Variants in NFATC1 observed in about 807,000 individuals in gnomAD.
NFATC1 encodes nuclear factor of activated T-cells, cytoplasmic 1.
A neutral mutation model predicts 76.0 loss-of-function variants in NFATC1; 22 were observed. The observed-to-expected ratio is 0.29, with a 90% CI of 0.21 to 0.41. The LOEUF is 0.41. Among genes scored for constraint, NFATC1 ranks in the 10% least tolerant of loss-of-function variants. The pLI is 1.00. For missense variants in NFATC1, 1,357 were observed against 1,337.7 expected (o/e 1.01, Z -0.23); for synonymous variants, 704 against 613.1 (o/e 1.15, Z -2.19).
chr18:79,505,869 GTGC>G (rs2090110262), intron 9 of NFATC1, among the ~76,000 whole-genome samples: 4 of 144,350 alleles, frequency 2.8e-5, no homozygotes, highest in Non-Finnish European at 3.1e-5. Flanking sequence ...GGAGGAGGTG[GTGC>G]TGGAGGCCCT....
intron 8 of NFATC1, among the ~76,000 whole-genome samples, chr18:79,474,888 CGTT>C (rs1175189222): frequency 8.7e-5 from 11 of 126,100 alleles, no homozygotes; most frequent in Non-Finnish European, 1.3e-4. Context: ...TCACTGTCGA[CGTT>C]GTAAACCTGA....
intron 6 of NFATC1, among the ~76,000 whole-genome samples, chr18:79,453,575 C>T (rs1454233198): frequency 6.6e-6 from 1 of 152,188 alleles, no homozygotes; most frequent in East Asian, 1.9e-4. Flanking sequence ...AGCTCGGCTG[C>T]CACAGCCACA....
Position 79,435,005 on chromosome 18 carries a change from TCAGA to T in NFATC1, c.1386+1271_1386+1274del, listed in dbSNP as rs751296205. On this transcript the variant is annotated intron_variant, in intron 3 of 9. Transcript: ENST00000427363. ...TCTCCACCCTCCCAGGTGGGAAAGG[TCAGA>T]CAGCGCTGCACCACGCTCCGTCACT... 3.3e-4 allele frequency among the ~76,000 whole-genome samples: 50 copies of T among 152,218 alleles called. No individual in the cohort carries two copies. The East Asian group carries it at 4.3e-3, about 13-fold the overall frequency.
At position 79,411,198 on chromosome 18, in the gene NFATC1, C is replaced by G. The variant is rs2085663934; in HGVS notation, c.923C>G (p.Thr308Ser). 3 of 1,610,436 alleles carry G rather than the reference C, an allele frequency of 1.9e-6. No homozygotes were observed. Among genetic ancestry groups the G allele is most frequent in the Non-Finnish European group, 2.5e-6 (3 of 1,179,858 alleles). Residue 308 changes from threonine to serine, a missense_variant, in exon 2 of 10, where the codon ACC becomes AGC. Around this residue, in one of 3 missense-constraint regions of NFATC1, gnomAD observed 691 missense variants for 613.1 expected, o/e 1.13. Transcript: ENST00000427363. ...DSWLGNTTQY[T>S]SSAIVAAINA... ...TGGTTGGGCAACACCACCCAGTACA[C>G]CAGCTCGGCCATCGTGGCCGCCATC...
At chr18:79,452,379 A>G (rs11873318) in intron 6 of NFATC1, among the ~76,000 whole-genome samples, 8,525 of 152,268 alleles carry the variant, frequency 0.056, 746 homozygotes, top group African/African-American at 0.19. Flanking sequence ...GCGCTGGCCC[A>G]GCCTGGAGGC....
At chr18:79,423,714 T>G (rs1334052127) in intron 2 of NFATC1, among the ~76,000 whole-genome samples, 1 of 152,098 alleles carries the variant, frequency 6.6e-6, no homozygotes, top group East Asian at 1.9e-4. Flanking sequence ...CATCTTTCTG[T>G]TCCCACCCTG....
intron 2 of NFATC1, among the ~76,000 whole-genome samples, chr18:79,415,525 A>G (rs977918063): frequency 1.3e-5 from 2 of 150,504 alleles, no homozygotes; most frequent in East Asian, 4.0e-4. Flanking sequence ...CTCGTGATCC[A>G]CCCGCCTCGG....
intron 9 of NFATC1, among the ~76,000 whole-genome samples, chr18:79,494,311 C>T (rs2089799662): frequency 2.1e-5 from 3 of 143,898 alleles, no homozygotes; most frequent in Non-Finnish European, 3.1e-5. Context: ...GCACACGCCC[C>T]CCATGAACCT....
intron 8 of NFATC1, among the ~76,000 whole-genome samples, chr18:79,476,550 G>A (rs1248148842): frequency 6.6e-6 from 1 of 152,182 alleles, no homozygotes; most frequent in Non-Finnish European, 1.5e-5. Flanking sequence ...TGCTGTCCTG[G>A]CCCCGTCGCT....
At chr18:79,512,298 G>A (rs529940924) in intron 9 of NFATC1, among the ~76,000 whole-genome samples, 35 of 152,270 alleles carry the variant, frequency 2.3e-4, no homozygotes, top group African/African-American at 7.5e-4. Context: ...ACGGAAAAGC[G>A]TCTGACTGCA....
chr18:79,400,491 CCGGAGGGCG>C (rs1252964344), intron 1 of NFATC1: 5 of 1,429,796 alleles, frequency 3.5e-6, no homozygotes, highest in Admixed American at 3.1e-5. Context: ...TGGGTCAGTC[CCGGAGGGCG>C]CGGGGGGCGC....
At chr18:79,488,298 TTG>T (rs3222211) in intron 9 of NFATC1, among the ~76,000 whole-genome samples, 22,564 of 140,674 alleles carry the variant, frequency 0.16, 1,694 homozygotes, top group African/African-American at 0.18. Flanking sequence ...GCAGCCCTGG[TTG>T]TGTGTGTGTG....
rs1232929538 is a variant in NFATC1, at chr18:79,488,687, C to T, written c.2782+1750C>T. Among the ~76,000 whole-genome samples the T allele has an allele frequency of 2.0e-5, 3 of 152,232 alleles. No individual in the cohort carries two copies. In the East Asian group the frequency reaches 5.8e-4, roughly 29 times the overall value. ...TGGACTCTGCCTTCCTCCCCAGCCC[C>T]TGCGCGAGGTGGACGCTGACATCCA... On this transcript the variant is annotated intron_variant, in intron 9 of 9. Transcript: ENST00000427363.
intron 1 of NFATC1, among the ~76,000 whole-genome samples, chr18:79,406,858 C>T (rs973771325): frequency 1.7e-4 from 26 of 151,968 alleles, no homozygotes; most frequent in African/African-American, 6.3e-4. Context: ...CCAGCCACGG[C>T]TCCGCGGGTC....
intron 9 of NFATC1, among the ~76,000 whole-genome samples, chr18:79,513,968 T>C (rs1337854355): frequency 6.6e-6 from 1 of 152,218 alleles, no homozygotes; most frequent in African/African-American, 2.4e-5. Flanking sequence ...GGCCGCTCAC[T>C]GTGCTTCAGG....
At position 79,486,292 on chromosome 18, in the gene NFATC1, C is replaced by T. The variant is rs745497301; in HGVS notation, c.2137C>T (p.Pro713Ser). 7 of 1,613,188 alleles carry T rather than the reference C, an allele frequency of 4.3e-6. No homozygotes were observed. In the Admixed American group the frequency reaches 1.0e-4, roughly 23 times the overall value. The stretch of plus-strand genomic sequence containing the variant: ...ACCCACTGATGATTATGAGCCTGCT[C>T]CAACCTGTGGACCGGTGAGCCAGGG... ...TEPTDDYEPA[P>S]TCGPVSQGLS... The change falls in exon 9 of 10, where the codon CCA becomes TCA. Residue 713 changes from proline to serine, a missense_variant. This residue lies in a region of NFATC1 where 424 missense variants were observed against 395.4 expected (regional missense o/e 1.07). Coordinates refer to ENST00000427363, the MANE Select transcript of NFATC1 (RefSeq NM_001278669.2).
At chr18:79,472,984 C>T (rs2088847587) in intron 8 of NFATC1, among the ~76,000 whole-genome samples, 1 of 152,264 alleles carries the variant, frequency 6.6e-6, no homozygotes. Context: ...CATGCCATGT[C>T]CTGCACAGGA....
At chr18:79,451,158 GA>G (rs2087454839) in intron 5 of NFATC1, 32 bp downstream of exon 5, 1 of 1,593,060 alleles carries the variant, frequency 6.3e-7, no homozygotes, top group South Asian at 1.1e-5. Context: ...CACAGGGGAG[GA>G]AACCGTCCCG....
intron 3 of NFATC1, 43 bp downstream of exon 3, chr18:79,433,781 T>G: frequency 6.3e-7 from 1 of 1,583,982 alleles, no homozygotes; most frequent in Non-Finnish European, 8.6e-7. Flanking sequence ...GGTGCTTTTG[T>G]GGTCAAAAAG....
Sources: allele counts gnomAD v4.1 joint callset (sites outside exome capture counted in the v4.1 genomes callset), GRCh38; gene constraint gnomAD v4.1.1; regional missense constraint gnomAD v4.1.1; transcripts MANE v1.5; gene names NCBI Gene and HGNC (gene_info 2026-07-23, HGNC 2026-07-21).